Variants in XPO5 observed in about 807,000 individuals in gnomAD.
XPO5 encodes exportin-5.
Under a neutral mutation model 160.6 loss-of-function variants are expected in XPO5, and 46 were observed. That is an observed-to-expected ratio of 0.29 (90% confidence interval 0.23 to 0.37). The LOEUF is 0.37. Among genes scored for constraint, XPO5 ranks in the 10% least tolerant of loss-of-function variants. XPO5 has a pLI of 1.00. For missense variants in XPO5, 1,090 were observed against 1,463.9 expected, an observed-to-expected ratio of 0.74 and a Z score of 4.17; for synonymous variants, 537 against 519.3, an observed-to-expected ratio of 1.03 and a Z score of -0.46.
chr6:43,551,971 G>A (rs1365152494), intron 14 of XPO5, among the ~76,000 whole-genome samples: 1 of 152,106 alleles, frequency 6.6e-6, no homozygotes, highest in Non-Finnish European at 1.5e-5. Context: ...TCAGCTGTGC[G>A]TGCCCTTCTT....
rs924368175 is a variant in XPO5, at chr6:43,575,636, G to C, written c.105+124C>G. On this transcript the variant is annotated intron_variant, in intron 1 of 31. Coordinates refer to ENST00000265351, the MANE Select transcript of XPO5 (RefSeq NM_020750.3). ...AGGGCCGCGAGGGGAAGGTCCCGGG[G>C]AGTTGGGAAAGGAGGTCCAGGGGCC... The C allele has an allele frequency of 3.8e-6, 3 of 796,594 alleles. No individual in the cohort carries two copies. In the African/African-American group the frequency reaches 5.3e-5, roughly 14 times the overall value. The allele number at this position is 796,594 out of a possible 1,614,324, so 49.3% of individuals were successfully genotyped here. A position where few individuals can be genotyped will look rare whatever the true frequency, so the allele number is the denominator to read the frequency against.
intron 26 of XPO5, 112 bp downstream of exon 26, chr6:43,527,522 C>T: frequency 9.4e-7 from 1 of 1,062,160 alleles, no homozygotes; most frequent in Non-Finnish European, 1.4e-6. Flanking sequence ...TCCACCATGC[C>T]CGCCGCAAAC....
In XPO5 at chr6:43,523,363, C is replaced by T; in HGVS notation, c.*505G>A. On this transcript the variant is annotated 3_prime_UTR_variant, in exon 32 of 32. Coordinates refer to ENST00000265351, the MANE Select transcript of XPO5 (RefSeq NM_020750.3). Reference sequence around the variant, plus strand: ...TTCAGCACTTAGCACCTAACCCAGACATGCCCCTTAGGGAGTGGGGAAAGT... The same window carrying T: ...TTCAGCACTTAGCACCTAACCCAGATATGCCCCTTAGGGAGTGGGGAAAGT... 1 of 283,068 alleles carries T rather than the reference C, an allele frequency of 3.5e-6. No homozygotes were observed. The highest frequency in any genetic ancestry group is 6.9e-6 in the Non-Finnish European group (1 of 144,414). The allele number at this position is 283,068 out of a possible 1,614,324, so 17.5% of individuals were successfully genotyped here.
intron 19 of XPO5, 57 bp from the exon 20 acceptor site, chr6:43,546,809 A>C: frequency 6.9e-7 from 1 of 1,443,318 alleles, no homozygotes; most frequent in Non-Finnish European, 9.3e-7. Flanking sequence ...AAAAAGACCA[A>C]ATACTGTTAG....
chr6:43,560,347 A>G, intron 10 of XPO5, 44 bp from the exon 11 acceptor site: 2 of 1,549,176 alleles, frequency 1.3e-6, no homozygotes, highest in Non-Finnish European at 1.7e-6. Flanking sequence ...TTTGGATTCT[A>G]TATAACCCAG....
At chr6:43,572,029 G>A (rs1252813521) in intron 3 of XPO5, among the ~76,000 whole-genome samples, 2 of 152,202 alleles carry the variant, frequency 1.3e-5, no homozygotes, top group African/African-American at 4.8e-5. Flanking sequence ...ACATAAGCAT[G>A]ATTAATTAAA....
intron 4 of XPO5, 78 bp from the exon 5 acceptor site, chr6:43,570,762 G>A: frequency 6.6e-7 from 1 of 1,506,246 alleles, no homozygotes; most frequent in Non-Finnish European, 8.9e-7. Flanking sequence ...ATTTTCTGTT[G>A]CCAAAAAAAA....
chr6:43,573,808 T>TAC (rs1763133405), intron 1 of XPO5, among the ~76,000 whole-genome samples: 2 of 113,966 alleles, frequency 1.8e-5, no homozygotes, highest in African/African-American at 8.1e-5. Context: ...CTATTAAATA[T>TAC]ATATATATAT....
intron 20 of XPO5, chr6:43,539,651 C>A: frequency 8.5e-7 from 1 of 1,172,944 alleles, no homozygotes; most frequent in Middle Eastern, 2.7e-4. Context: ...GTTCCCCATC[C>A]CAGGGCCACC....
intron 1 of XPO5, 102 bp downstream of exon 1, chr6:43,575,658 G>C (rs989438796): frequency 4.7e-6 from 5 of 1,073,858 alleles, no homozygotes; most frequent in Non-Finnish European, 6.8e-6. Context: ...GAGGTCCAGG[G>C]GCCGCGTGGG....
Position 43,533,966 on chromosome 6 carries a change from A to G in XPO5, c.2384T>C (p.Met795Thr), listed in dbSNP as rs1396343866. Residue 795 changes from methionine to threonine, a missense_variant, in exon 21 of 32, where the codon ATG becomes ACG. Physicochemically the swap from Met to Thr is moderately conservative, Grantham distance 81. Around this residue, in one of 3 missense-constraint regions of XPO5, gnomAD observed 810 missense variants for 1,139.0 expected, o/e 0.71. Coordinates refer to ENST00000265351, the MANE Select transcript of XPO5 (RefSeq NM_020750.3). ...TLYAPEMLAK[M>T]AEPFTKALDM... ...CAGAGCCTTGGTGAAAGGCTCTGCC[A>G]TTTTGGCTAGCATTTCTGGTGCATA... 6.2e-7 allele frequency: 1 copy of G among 1,606,656 alleles called. No homozygotes were observed. Among genetic ancestry groups the G allele is most frequent in the East Asian group, 2.2e-5 (1 of 44,542 alleles).
At chr6:43,572,682 A>C in intron 2 of XPO5, 104 bp from the exon 3 acceptor site, 13 of 1,224,018 alleles carry the variant, frequency 1.1e-5, no homozygotes, top group Non-Finnish European at 1.4e-5. Context: ...AGATTTCATT[A>C]AGAAATTATA....
At chr6:43,570,311 CAA>C (rs70990200) in intron 5 of XPO5, among the ~76,000 whole-genome samples, 189 bp downstream of exon 5, 1,660 of 77,160 alleles carry the variant, frequency 0.022, 10 homozygotes, top group African/African-American at 0.033. Flanking sequence ...GCCTCCGTCT[CAA>C]AAAAAAAAAA....
intron 27 of XPO5, chr6:43,526,158 C>T (rs1793574449): frequency 7.8e-6 from 4 of 514,900 alleles, no homozygotes; most frequent in African/African-American, 7.7e-5. Flanking sequence ...ACACAAAATG[C>T]TGCAAATACT....
At chr6:43,524,679 T>C (rs1225834923) in intron 30 of XPO5, 44 bp from the exon 31 acceptor site, 2 of 1,599,574 alleles carry the variant, frequency 1.3e-6, no homozygotes, top group Non-Finnish European at 1.7e-6. Context: ...GGTTTGGATA[T>C]TGCCACCCTC....
At chr6:43,567,706 C>T (rs1413399936) in intron 6 of XPO5, among the ~76,000 whole-genome samples, 1 of 151,482 alleles carries the variant, frequency 6.6e-6, no homozygotes, top group Admixed American at 6.6e-5. Flanking sequence ...ACAGCCTGGG[C>T]AACATGGCAA....
intron 13 of XPO5, among the ~76,000 whole-genome samples, chr6:43,554,420 TTC>T (rs1240132075): frequency 6.7e-6 from 1 of 148,300 alleles, no homozygotes; most frequent in African/African-American, 2.5e-5. Flanking sequence ...CGCTTTTCTT[TTC>T]TTTTTTTTTT....
Position 43,533,893 on chromosome 6 carries a change from G to A in XPO5, c.2443+14C>T. Reference sequence around the variant, plus strand: ...TAAGATAAACCTTAGGAGAAAAAAGGTTACATTTCTTACCTAATATAGCAG... The same window carrying A: ...TAAGATAAACCTTAGGAGAAAAAAGATTACATTTCTTACCTAATATAGCAG... On this transcript the variant is annotated intron_variant, in intron 21 of 31. Coordinates refer to ENST00000265351, the MANE Select transcript of XPO5 (RefSeq NM_020750.3). 6.3e-7 allele frequency: 1 copy of A among 1,576,868 alleles called. No homozygotes were observed.
chr6:43,528,817 T>G lies in XPO5; in HGVS notation c.2775+11A>C, dbSNP rs1185284927. On this transcript the variant is annotated intron_variant, in intron 24 of 31. Coordinates refer to ENST00000265351, the MANE Select transcript of XPO5 (RefSeq NM_020750.3). ...GTACTCTTTGCTTCCTGTTCCTGAC[T>G]TATCTCTTACCATATGGAGGTAGGT... 2 of 1,612,554 alleles carry G rather than the reference T, an allele frequency of 1.2e-6. No homozygotes were observed. Among genetic ancestry groups the G allele is most frequent in the Non-Finnish European group, 1.7e-6 (2 of 1,179,068 alleles).
Sources: gnomAD v4.1 joint callset for allele counts (sites outside exome capture counted in the v4.1 genomes callset) on GRCh38, gnomAD v4.1.1 for gene constraint, gnomAD v4.1.1 regional missense constraint, MANE v1.5 for transcripts, NCBI Gene and HGNC (gene_info 2026-07-23, HGNC 2026-07-21) for gene names.